The following CSMD3 variants were observed in gnomAD, a reference collection of about 807,000 sequenced individuals.
CSMD3 encodes the protein CUB and sushi domain-containing protein 3.
Under a neutral mutation model 435.2 loss-of-function variants are expected in CSMD3, and 177 were observed. That is an observed-to-expected ratio of 0.41 (90% CI 0.36 to 0.46). CSMD3 has a LOEUF of 0.46. Among genes scored for constraint, CSMD3 ranks in the 20% least tolerant of loss-of-function variants. The pLI, the probability that CSMD3 is intolerant of heterozygous loss-of-function variation, is 0.34. For missense variants in CSMD3, 4,265 were observed against 4,504.6 expected (o/e 0.95, Z 1.52); for synonymous variants, 1,656 against 1,520.5 (o/e 1.09, Z -2.07).
chr8:113,098,956 A>C lies in CSMD3; in HGVS notation c.717T>G (p.Asp239Glu), dbSNP rs377275796. Residue 239 changes from aspartate (D) to glutamate (E), a missense_variant, in exon 5 of 71, where the codon GAT becomes GAG. This residue lies in a region of CSMD3 where 731 missense variants were observed against 755.4 expected (regional missense o/e 0.97). Transcript: ENST00000297405. The stretch of plus-strand genomic sequence containing the variant: ...ATCCTCTCATTGTTCCTCCACAAGC[A>C]TCTTCAGCTGTTAAAAATGACAAAA... ...DFPVPICRAEDACGGTMRGSS... is the reference protein window; with the variant it reads ...DFPVPICRAEEACGGTMRGSS... 3 of 1,606,176 alleles carry C rather than the reference A, an allele frequency of 1.9e-6. No individual in the cohort carries two copies. The African/African-American group carries it at 4.0e-5, about 21-fold the overall frequency.
chr8:112,256,042 TACA>T (rs2130290614), intron 61 of CSMD3: 1 of 152,518 alleles, frequency 6.6e-6, no homozygotes, highest in African/African-American at 2.4e-5. Context: ...GTCAATGTTC[TACA>T]ACAAGCACTG....
chr8:113,321,562 AT>A (rs2093949669), intron 1 of CSMD3, among the ~76,000 whole-genome samples: 1 of 151,924 alleles, frequency 6.6e-6, no homozygotes, highest in Non-Finnish European at 1.5e-5. Context: ...TTACAATGTA[AT>A]TTTTTATGAA....
intron 32 of CSMD3, among the ~76,000 whole-genome samples, chr8:112,429,586 C>T (rs1194467433): frequency 3.3e-5 from 5 of 151,956 alleles, no homozygotes; most frequent in Non-Finnish European, 5.9e-5. Flanking sequence ...TTTGTTATTA[C>T]TAGTATGAAA....
At chr8:112,917,243 T>A (rs924087750) in intron 10 of CSMD3, among the ~76,000 whole-genome samples, 16 of 151,940 alleles carry the variant, frequency 1.1e-4, no homozygotes, top group African/African-American at 3.9e-4. Flanking sequence ...AAGTCTACTG[T>A]CCATGAAATG....
At chr8:113,172,229 A>G (rs28701546) in intron 4 of CSMD3, among the ~76,000 whole-genome samples, 1,917 of 152,312 alleles carry the variant, frequency 0.013, 45 homozygotes, top group African/African-American at 0.044. Context: ...AGAACTCTTC[A>G]TAGTTCTTGA....
At chr8:112,402,420 A>C (rs1425061282) in intron 35 of CSMD3, among the ~76,000 whole-genome samples, 1 of 152,182 alleles carries the variant, frequency 6.6e-6, no homozygotes, top group African/African-American at 2.4e-5. Context: ...TTTACATTTC[A>C]GTTCTTGGCA....
At chr8:112,855,754 G>C (rs2129797275) in intron 11 of CSMD3, among the ~76,000 whole-genome samples, 1 of 151,274 alleles carries the variant, frequency 6.6e-6, no homozygotes, top group East Asian at 1.9e-4. Flanking sequence ...GCATTTCTAT[G>C]AGTTTGTTGC....
At chr8:112,561,357 T>C (rs1828607633) in intron 24 of CSMD3, among the ~76,000 whole-genome samples, 1 of 151,678 alleles carries the variant, frequency 6.6e-6, no homozygotes, top group Admixed American at 6.6e-5. Flanking sequence ...CCCCATTACC[T>C]AGATGTTTTT....
At chr8:112,986,657 T>C (rs969297443) in intron 6 of CSMD3, among the ~76,000 whole-genome samples, 1 of 152,112 alleles carries the variant, frequency 6.6e-6, no homozygotes, top group African/African-American at 2.4e-5. Context: ...ATTAAATCCA[T>C]AGATTTACAT....
intron 3 of CSMD3, among the ~76,000 whole-genome samples, chr8:113,248,504 C>A (rs1413708322): frequency 7.6e-6 from 1 of 132,376 alleles, no homozygotes; most frequent in Non-Finnish European, 1.6e-5. Context: ...TACACACACA[C>A]ATATATTTCC....
chr8:112,723,750 G>C (rs1444391615), intron 13 of CSMD3, among the ~76,000 whole-genome samples: 4 of 152,064 alleles, frequency 2.6e-5, no homozygotes, highest in Admixed American at 2.6e-4. Flanking sequence ...AAATCACGGA[G>C]ACCTAGTTTT....
intron 8 of CSMD3, among the ~76,000 whole-genome samples, chr8:112,948,977 A>G (rs141398252): frequency 6.6e-6 from 1 of 152,074 alleles, no homozygotes; most frequent in East Asian, 1.9e-4. Context: ...CAGCACAATC[A>G]TAGTTCACTG....
intron 10 of CSMD3, among the ~76,000 whole-genome samples, chr8:112,919,035 C>G (rs1310116907): frequency 6.6e-6 from 1 of 151,848 alleles, no homozygotes; most frequent in Non-Finnish European, 1.5e-5. Context: ...CCACTACCAC[C>G]GCCAGTAATT....
chr8:112,614,582 G>A (rs1033495119), intron 22 of CSMD3, among the ~76,000 whole-genome samples: 1 of 151,884 alleles, frequency 6.6e-6, no homozygotes, highest in Non-Finnish European at 1.5e-5. Flanking sequence ...ACCACTTCAG[G>A]ATGAAGTGAA....
intron 59 of CSMD3, among the ~76,000 whole-genome samples, chr8:112,267,411 A>G (rs992827290): frequency 5.3e-5 from 8 of 152,126 alleles, no homozygotes; most frequent in Non-Finnish European, 8.8e-5. Flanking sequence ...TAATGATACA[A>G]CTGAGTTGGA....
intron 27 of CSMD3, among the ~76,000 whole-genome samples, chr8:112,523,174 A>G (rs1586591432): frequency 6.6e-6 from 1 of 151,948 alleles, no homozygotes; most frequent in Non-Finnish European, 1.5e-5. Flanking sequence ...CAGTTGGATG[A>G]GTAATGATAT....
chr8:113,254,007 T>C (rs1033314883), intron 3 of CSMD3, among the ~76,000 whole-genome samples: 10 of 152,182 alleles, frequency 6.6e-5, no homozygotes, highest in Admixed American at 5.9e-4. Flanking sequence ...CCTCTACAAT[T>C]AGATACTATG....
chr8:113,296,744 C>A (rs747247310), intron 2 of CSMD3, among the ~76,000 whole-genome samples: 2 of 152,072 alleles, frequency 1.3e-5, no homozygotes, highest in Non-Finnish European at 2.9e-5. Flanking sequence ...TGTCTTTCCT[C>A]CTTCTGTTTC....
intron 53 of CSMD3, among the ~76,000 whole-genome samples, chr8:112,297,849 A>C (rs868391458): frequency 1.8e-4 from 27 of 152,108 alleles, no homozygotes; most frequent in African/African-American, 5.5e-4. Context: ...AGTTGGGCAC[A>C]GTGGCTTATG....
Sources: gnomAD v4.1 joint callset for allele counts (sites outside exome capture counted in the v4.1 genomes callset) on GRCh38, gnomAD v4.1.1 for gene constraint, gnomAD v4.1.1 regional missense constraint, MANE v1.5 for transcripts, NCBI Gene and HGNC (gene_info 2026-07-23, HGNC 2026-07-21) for gene names.